The following PRKCB variants were observed in gnomAD, a reference collection of about 807,000 sequenced individuals.
PRKCB encodes protein kinase C beta, also known as protein kinase C beta type.
A neutral mutation model predicts 81.5 loss-of-function variants in PRKCB; 13 were observed. The observed-to-expected ratio is 0.16, with a 90% CI of 0.10 to 0.25. The LOEUF (loss-of-function observed/expected upper bound fraction) is 0.25, where lower values mean the gene tolerates loss of function less well. PRKCB is among the 10% of genes least tolerant of loss of function. PRKCB has a pLI of 1.00. For missense variants in PRKCB, 509 were observed against 875.7 expected, an observed-to-expected ratio of 0.58 and a Z score of 5.29; for synonymous variants, 335 against 321.4, an observed-to-expected ratio of 1.04 and a Z score of -0.45.
At chr16:24,162,396 G>GC (rs1388617730) in intron 10 of PRKCB, among the ~76,000 whole-genome samples, 6 of 147,990 alleles carry the variant, frequency 4.1e-5, no homozygotes, top group African/African-American at 1.5e-4. Flanking sequence ...CCCTTCCCCT[G>GC]CCCCCCACCA....
intron 2 of PRKCB, among the ~76,000 whole-genome samples, chr16:23,966,441 A>G (rs996072833): frequency 6.6e-6 from 1 of 152,208 alleles, no homozygotes; most frequent in African/African-American, 2.4e-5. Context: ...TACAATAAGG[A>G]TAATAATAAG....
intron 2 of PRKCB, among the ~76,000 whole-genome samples, chr16:23,910,294 C>G (rs56358542): frequency 0.075 from 11,427 of 152,234 alleles, 544 homozygotes; most frequent in Middle Eastern, 0.18. Flanking sequence ...TCCTTTAGAG[C>G]AAAGTTTCCC....
intron 5 of PRKCB, among the ~76,000 whole-genome samples, chr16:24,040,436 T>C (rs1965684487): frequency 6.6e-6 from 1 of 152,224 alleles, no homozygotes; most frequent in African/African-American, 2.4e-5. Context: ...TACCATCTAA[T>C]AAGCTTCCTC....
intron 2 of PRKCB, among the ~76,000 whole-genome samples, 165 bp downstream of exon 2, chr16:23,837,571 T>G (rs1403348039): frequency 1.3e-5 from 2 of 152,098 alleles, no homozygotes; most frequent in Non-Finnish European, 2.9e-5. Flanking sequence ...AAGGGGTGTG[T>G]GTGTGACTGG....
At chr16:24,110,608 C>T (rs2141916765) in intron 7 of PRKCB, among the ~76,000 whole-genome samples, 1 of 148,280 alleles carries the variant, frequency 6.7e-6, no homozygotes, top group African/African-American at 2.5e-5. Flanking sequence ...CCTTGACCTT[C>T]TGGACTCAAG....
intron 3 of PRKCB, among the ~76,000 whole-genome samples, chr16:23,999,857 G>A (rs1008654812): frequency 6.6e-6 from 1 of 152,200 alleles, no homozygotes; most frequent in Non-Finnish European, 1.5e-5. Flanking sequence ...GTCTGTGTCT[G>A]TGGATAGCTG....
chr16:23,895,802 A>G (rs952729735), intron 2 of PRKCB, among the ~76,000 whole-genome samples: 3 of 152,252 alleles, frequency 2.0e-5, no homozygotes, highest in Non-Finnish European at 4.4e-5. Flanking sequence ...TGCCAGGCAC[A>G]TGGAACACAC....
At chr16:23,931,718 C>G (rs888181841) in intron 2 of PRKCB, among the ~76,000 whole-genome samples, 2 of 151,958 alleles carry the variant, frequency 1.3e-5, no homozygotes, top group East Asian at 3.9e-4. Context: ...TACTTCCCGG[C>G]CTTCTGGCCT....
Position 23,988,551 on chromosome 16 carries a change from A to T in PRKCB, c.249A>T (p.Thr83=). ...ACAAGCGGTGCCATGAATTTGTCAC[A>T]TTCTCCTGCCCTGGCGCTGACAAGG... The part of the protein sequence containing the change: ...VVHKRCHEFV[T]FSCPGADKGP... Residue 83 remains threonine (T), a synonymous_variant, in exon 3 of 17, where the codon ACA becomes ACT. Transcript: ENST00000643927. 1 of 1,614,042 alleles carries T rather than the reference A, an allele frequency of 6.2e-7. No homozygotes were observed. The highest frequency in any genetic ancestry group is 1.1e-5 in the South Asian group (1 of 91,078).
intron 2 of PRKCB, among the ~76,000 whole-genome samples, chr16:23,905,446 G>T (rs774440550): frequency 6.6e-6 from 1 of 152,170 alleles, no homozygotes; most frequent in African/African-American, 2.4e-5. Context: ...CAGTTAACAG[G>T]ATGCCTGGTT....
intron 2 of PRKCB, chr16:23,962,967 G>T (rs1596489114): frequency 1.3e-5 from 2 of 152,082 alleles, no homozygotes; most frequent in East Asian, 3.9e-4. Flanking sequence ...TCATAGCTTA[G>T]CTTCATTTAC....
intron 16 of PRKCB, among the ~76,000 whole-genome samples, chr16:24,200,680 T>C (rs1326701388): frequency 6.6e-6 from 1 of 152,194 alleles, no homozygotes; most frequent in Non-Finnish European, 1.5e-5. Flanking sequence ...TGCATGTGTG[T>C]GCATATATAT....
intron 5 of PRKCB, among the ~76,000 whole-genome samples, chr16:24,082,307 T>C (rs1339303335): frequency 6.6e-6 from 1 of 152,206 alleles, no homozygotes; most frequent in Non-Finnish European, 1.5e-5. Flanking sequence ...GTAGGCTTAA[T>C]GAAATTCAAG....
chr16:23,925,484 T>C (rs1269439752), intron 2 of PRKCB, among the ~76,000 whole-genome samples: 1 of 152,064 alleles, frequency 6.6e-6, no homozygotes, highest in Non-Finnish European at 1.5e-5. Flanking sequence ...GACAGAGAGC[T>C]TGCATCCCAT....
rs568432821 is a variant in PRKCB at position 24,071,130 on chromosome 16, T to C, written c.530-21661T>C. Among the ~76,000 whole-genome samples the C allele has an allele frequency of 3.3e-5, 5 of 152,240 alleles. No homozygotes were observed. In the South Asian group the frequency reaches 1.0e-3, roughly 32 times the overall value. ...TGAGGATGTGAGTTAAGGACTTGGATGCTGCTCTTGGGGCTTTCAGAGATA... is the reference window on the plus strand; with the variant it reads ...TGAGGATGTGAGTTAAGGACTTGGACGCTGCTCTTGGGGCTTTCAGAGATA... On this transcript the variant is annotated intron_variant, in intron 5 of 16. Transcript: ENST00000643927.
chr16:24,047,916 A>T (rs1170829372), intron 5 of PRKCB, among the ~76,000 whole-genome samples: 4 of 152,132 alleles, frequency 2.6e-5, no homozygotes, highest in Admixed American at 1.3e-4. Flanking sequence ...AGTGGGCTGG[A>T]GGCATTCCAG....
chr16:23,902,780 T>TCCTTCCTTCCTTCCTCCCTTCCTC (rs1567307987), intron 2 of PRKCB, among the ~76,000 whole-genome samples: 1 of 27,364 alleles, frequency 3.7e-5, no homozygotes, highest in African/African-American at 1.8e-4. Context: ...CTTCCTTCCT[T>TCCTTCCTTCCTTCCTCCCTTCCTC]CCTCCCTCCC....
At chr16:24,052,074 CAAAAA>C (rs71154271) in intron 5 of PRKCB, among the ~76,000 whole-genome samples, 1 of 91,220 alleles carries the variant, frequency 1.1e-5, no homozygotes, top group Non-Finnish European at 2.5e-5. Context: ...GACTCCGTCT[CAAAAA>C]AAAAAAAAAA....
intron 2 of PRKCB, among the ~76,000 whole-genome samples, chr16:23,876,884 G>T (rs1963022345): frequency 6.6e-6 from 1 of 152,120 alleles, no homozygotes; most frequent in South Asian, 2.1e-4. Context: ...GGTGGATGAA[G>T]GAAACATATC....
Sources: gnomAD v4.1 joint callset for allele counts (sites outside exome capture counted in the v4.1 genomes callset) on GRCh38, gnomAD v4.1.1 for gene constraint, MANE v1.5 for transcripts, NCBI Gene and HGNC (gene_info 2026-07-23, HGNC 2026-07-21) for gene names.